The following WDPCP variants were observed in gnomAD, a reference collection of about 807,000 sequenced individuals.
The protein encoded by WDPCP is WD repeat-containing and planar cell polarity effector protein fritz homolog.
In WDPCP, 71 loss-of-function variants were observed where a neutral mutation model predicts 93.1. The ratio of observed to expected loss-of-function variants is 0.76; its 90% confidence interval spans 0.63 to 0.93. The LOEUF (loss-of-function observed/expected upper bound fraction) is 0.93, where lower values mean the gene tolerates loss of function less well. Among genes scored for constraint, WDPCP ranks in the 40% least tolerant of loss-of-function variants. The pLI, the probability that WDPCP is intolerant of heterozygous loss-of-function variation, is 0.00. For synonymous variants in WDPCP, 315 were observed against 315.0 expected, an observed-to-expected ratio of 1.00 and a Z score of 0.00; for missense variants, 844 against 887.4, an observed-to-expected ratio of 0.95 and a Z score of 0.62.
chr2:63,133,708 C>T (rs1272413663), intron 17 of WDPCP, among the ~76,000 whole-genome samples: 2 of 152,204 alleles, frequency 1.3e-5, no homozygotes, highest in Non-Finnish European at 2.9e-5. Context: ...CTCAGCTATG[C>T]AGAACTGTGA....
intron 12 of WDPCP, among the ~76,000 whole-genome samples, chr2:63,316,811 C>T (rs898466876): frequency 1.3e-5 from 2 of 152,100 alleles, no homozygotes; most frequent in South Asian, 2.1e-4. Context: ...ATAGTCTCTG[C>T]CCAAAGACTC....
intron 17 of WDPCP, among the ~76,000 whole-genome samples, chr2:63,150,584 T>C (rs1671822956): frequency 6.6e-6 from 1 of 152,210 alleles, no homozygotes; most frequent in Admixed American, 6.5e-5. Context: ...ATTACTAATC[T>C]CTATGTCTCA....
At chr2:63,741,176 T>C (rs1233058857) in intron 2 of WDPCP, among the ~76,000 whole-genome samples, 1 of 152,206 alleles carries the variant, frequency 6.6e-6, no homozygotes, top group African/African-American at 2.4e-5. Flanking sequence ...TTTCTGATAT[T>C]GTGCAATGTC....
At position 63,622,569 on chromosome 2, in the gene WDPCP, G is replaced by A. The variant is rs568238108; in HGVS notation, n.488+28090C>T. Reference sequence around the variant, plus strand: ...GAAGGTAGTCATGGTCTGATTCTGTGGGTCCACAATAGAGTCCTCCAGGAT... The same window carrying A: ...GAAGGTAGTCATGGTCTGATTCTGTAGGTCCACAATAGAGTCCTCCAGGAT... On this transcript the variant is annotated intron_variant and non_coding_transcript_variant, in intron 3 of 4. Coordinates refer to the WDPCP transcript ENST00000467687. 7.4e-6 allele frequency: 12 copies of A among 1,613,792 alleles called. No individual in the cohort carries two copies. In the Admixed American group the frequency reaches 1.7e-4, roughly 22 times the overall value.
chr2:63,445,753 T>C (rs1214299034), intron 6 of WDPCP, among the ~76,000 whole-genome samples: 1 of 152,200 alleles, frequency 6.6e-6, no homozygotes, highest in African/African-American at 2.4e-5. Context: ...TTTAAAGATC[T>C]AAAGAGTTAA....
intron 2 of WDPCP, among the ~76,000 whole-genome samples, chr2:63,780,701 A>G (rs536629023): frequency 1.3e-5 from 2 of 152,336 alleles, no homozygotes; most frequent in South Asian, 2.1e-4. Flanking sequence ...TTGTTTAACA[A>G]CAGCAGTCTT....
chr2:63,570,788 G>A (rs1707431575), intron 1 of WDPCP, among the ~76,000 whole-genome samples: 1 of 152,078 alleles, frequency 6.6e-6, no homozygotes, highest in Non-Finnish European at 1.5e-5. Context: ...GTTTAATTCA[G>A]TTTTCATTTT....
chr2:63,652,928 C>T (rs565112557), intron 2 of WDPCP, among the ~76,000 whole-genome samples: 6 of 152,234 alleles, frequency 3.9e-5, no homozygotes, highest in Admixed American at 3.3e-4. Context: ...CCCCAACTAC[C>T]GGTAAAAAAC....
At chr2:63,201,607 A>G (rs12473198) in intron 14 of WDPCP, among the ~76,000 whole-genome samples, 55,779 of 152,014 alleles carry the variant, frequency 0.37, 11,921 homozygotes, top group Non-Finnish European at 0.48. Flanking sequence ...TAAGAACCAC[A>G]GGTAATCTGA....
At chr2:63,403,966 T>A in intron 10 of WDPCP, 82 bp downstream of exon 10, 1 of 1,578,124 alleles carries the variant, frequency 6.3e-7, no homozygotes, top group Non-Finnish European at 8.7e-7. Flanking sequence ...AAAATCTACA[T>A]TCTAAGAATA....
intron 2 of WDPCP, among the ~76,000 whole-genome samples, chr2:63,691,398 G>A (rs1668885918): frequency 6.6e-6 from 1 of 152,174 alleles, no homozygotes; most frequent in East Asian, 1.9e-4. Flanking sequence ...ACTTTGGGAG[G>A]CTAAGGCGGG....
intron 2 of WDPCP, among the ~76,000 whole-genome samples, chr2:63,793,108 G>A (rs1182897779): frequency 6.6e-6 from 1 of 151,908 alleles, no homozygotes. Context: ...TTCAGTTTGA[G>A]CTTCTTGATT....
chr2:63,652,201 G>A (rs906036796), intron 2 of WDPCP, among the ~76,000 whole-genome samples: 1 of 152,188 alleles, frequency 6.6e-6, no homozygotes, highest in Non-Finnish European at 1.5e-5. Context: ...CATTAGCCCA[G>A]TATAAGCTCC....
intron 2 of WDPCP, among the ~76,000 whole-genome samples, chr2:63,792,279 T>C (rs1410112788): frequency 6.6e-6 from 1 of 152,000 alleles, no homozygotes; most frequent in Non-Finnish European, 1.5e-5. Flanking sequence ...AGCAGTCATG[T>C]TTTACATGGC....
At chr2:63,759,828 G>A (rs1183208518) in intron 2 of WDPCP, among the ~76,000 whole-genome samples, 1 of 152,248 alleles carries the variant, frequency 6.6e-6, no homozygotes, top group Non-Finnish European at 1.5e-5. Context: ...ATACCTGGAT[G>A]AGGGTTAGGC....
chr2:63,797,733 TAG>T (rs1172481444), intron 2 of WDPCP, among the ~76,000 whole-genome samples: 1 of 150,952 alleles, frequency 6.6e-6, no homozygotes, highest in Admixed American at 6.6e-5. Flanking sequence ...CTTGAAGAAA[TAG>T]AGAGAGAGGT....
chr2:63,247,015 C>T (rs1680330148), intron 14 of WDPCP, among the ~76,000 whole-genome samples: 1 of 152,070 alleles, frequency 6.6e-6, no homozygotes, highest in Non-Finnish European at 1.5e-5. Flanking sequence ...GCAGCATGAA[C>T]AAGAAATCAT....
At chr2:63,662,639 C>A (rs200189514) in intron 2 of WDPCP, among the ~76,000 whole-genome samples, 1 of 147,122 alleles carries the variant, frequency 6.8e-6, no homozygotes, top group Non-Finnish European at 1.5e-5. Context: ...TCATCTCTTC[C>A]AGAGAGAGAG....
At position 63,616,117 on chromosome 2, in the gene WDPCP, A is replaced by G. The variant is rs557408290; in HGVS notation, n.488+34542T>C. ...AACATACTATAAATAACACACATAT[A>G]GTACAATAAATTCTTTGCAGGAAAT... On this transcript the variant is annotated intron_variant and non_coding_transcript_variant, in intron 3 of 4. Coordinates refer to the WDPCP transcript ENST00000467687. Among the ~76,000 whole-genome samples the G allele has an allele frequency of 8.9e-4, 135 of 152,358 alleles. 1 individual carries two copies. In the South Asian group the frequency reaches 9.3e-3, roughly 11 times the overall value.
Sources: allele counts gnomAD v4.1 joint callset (sites outside exome capture counted in the v4.1 genomes callset), GRCh38; gene constraint gnomAD v4.1.1; transcripts MANE v1.5; gene names NCBI Gene and HGNC (gene_info 2026-07-23, HGNC 2026-07-21).